The following ZNF609 variants were observed in gnomAD, a reference collection of about 807,000 sequenced individuals.
The protein encoded by ZNF609 is zinc finger protein 609.
Under a neutral mutation model 109.5 loss-of-function variants are expected in ZNF609, and 11 were observed. The observed-to-expected ratio is 0.10, with a 90% CI of 0.06 to 0.17. ZNF609 has a LOEUF of 0.17. Ranked by LOEUF, ZNF609 falls within the 10% of genes least tolerant of loss-of-function variation. The probability of loss-of-function intolerance (pLI) is 1.00; values close to 1 mark genes in which losing one functional copy is unlikely to be tolerated. For synonymous variants in ZNF609, 646 were observed against 662.0 expected (o/e 0.98, Z 0.37); for missense variants, 1,559 against 1,772.4 (o/e 0.88, Z 2.16).
chr15:64,654,824 C>T (rs996943812), intron 3 of ZNF609, among the ~76,000 whole-genome samples: 4 of 152,020 alleles, frequency 2.6e-5, no homozygotes, highest in Non-Finnish European at 5.9e-5. Flanking sequence ...GGGCCGGGCA[C>T]GGTGGCTCAC....
intron 2 of ZNF609, among the ~76,000 whole-genome samples, chr15:64,566,293 A>G (rs637748): frequency 0.74 from 113,063 of 152,198 alleles, 45,522 homozygotes; most frequent in East Asian, 0.96. Context: ...TCATGTGACT[A>G]CACTCCAGCT....
At chr15:64,626,083 C>T (rs181201824) in intron 3 of ZNF609, among the ~76,000 whole-genome samples, 6 of 151,928 alleles carry the variant, frequency 3.9e-5, no homozygotes, top group East Asian at 1.9e-4. Flanking sequence ...AGATCAGTCT[C>T]GTTGTCTAAA....
At chr15:64,587,516 T>G (rs1302571971) in intron 2 of ZNF609, among the ~76,000 whole-genome samples, 1 of 152,122 alleles carries the variant, frequency 6.6e-6, no homozygotes, top group East Asian at 1.9e-4. Context: ...AATTGTGGTG[T>G]ATTTGTGTAT....
rs916982040 is a variant in ZNF609, at chr15:64,685,256, GACA to G, written c.*3572_*3574del. On this transcript the variant is annotated 3_prime_UTR_variant, in exon 10 of 10. Transcript: ENST00000326648. ...GAAGAGAAAATAAATCTTTTTAAGA[GACA>G]ATCACAAATCTGTGAGGGCTGCTGG... is the stretch of plus-strand genomic sequence containing the variant. The G allele has an allele frequency of 6.6e-6, 1 of 152,226 alleles. No individual in the cohort carries two copies. The highest frequency in any genetic ancestry group is 2.4e-5 in the African/African-American group (1 of 41,276). 9.4% of individuals were successfully genotyped at this position (152,226 alleles called of 1,614,324 possible).
At chr15:64,468,229 C>T (rs562791771) in intron 1 of ZNF609, among the ~76,000 whole-genome samples, 110 of 147,974 alleles carry the variant, frequency 7.4e-4, no homozygotes, top group Non-Finnish European at 1.5e-3. Context: ...CCTCTCTTTC[C>T]TTCCTTCCTT....
chr15:64,594,312 C>T (rs1407955587), intron 2 of ZNF609, among the ~76,000 whole-genome samples: 2 of 151,608 alleles, frequency 1.3e-5, no homozygotes, highest in South Asian at 2.1e-4. Flanking sequence ...CCAGAAAAGG[C>T]GAAGACTTGG....
At chr15:64,665,430 G>A (rs967298969) in intron 3 of ZNF609, among the ~76,000 whole-genome samples, 4 of 152,012 alleles carry the variant, frequency 2.6e-5, no homozygotes, top group Non-Finnish European at 4.4e-5. Flanking sequence ...AGGATTTTTG[G>A]CACCCACTTA....
intron 2 of ZNF609, 82 bp from the exon 3 acceptor site, chr15:64,622,745 A>T: frequency 8.4e-7 from 1 of 1,197,414 alleles, no homozygotes; most frequent in Non-Finnish European, 1.2e-6. Flanking sequence ...GAATAGATAT[A>T]GGACTAGATT....
chr15:64,571,000 G>A (rs192267724), intron 2 of ZNF609, among the ~76,000 whole-genome samples: 9 of 152,198 alleles, frequency 5.9e-5, no homozygotes, highest in African/African-American at 2.2e-4. Context: ...CACTCCAGCC[G>A]GGGCAACAGA....
At chr15:64,611,750 G>A (rs1164397743) in intron 2 of ZNF609, among the ~76,000 whole-genome samples, 1 of 136,824 alleles carries the variant, frequency 7.3e-6, no homozygotes, top group Non-Finnish European at 1.6e-5. Context: ...TTTTTTTTTT[G>A]AGATGGAGTC....
intron 2 of ZNF609, among the ~76,000 whole-genome samples, chr15:64,591,039 G>A (rs184143943): frequency 2.4e-4 from 36 of 152,146 alleles, no homozygotes; most frequent in African/African-American, 8.4e-4. Flanking sequence ...AGTATGTATC[G>A]AAAAGCCTTA....
At chr15:64,459,913 G>A (rs751326616), upstream of ZNF609, among the ~76,000 whole-genome samples, 2 of 152,096 alleles carry the variant, frequency 1.3e-5, no homozygotes, top group Non-Finnish European at 2.9e-5. Flanking sequence ...ATGGTGGGTT[G>A]GAGAAGGACA....
chr15:64,645,984 A>G (rs1896328523), intron 3 of ZNF609, among the ~76,000 whole-genome samples: 1 of 152,224 alleles, frequency 6.6e-6, no homozygotes, highest in Non-Finnish European at 1.5e-5. Flanking sequence ...GTGGATCCTC[A>G]AAAAGCTAAA....
At chr15:64,542,141 A>T (rs1366069608) in intron 2 of ZNF609, among the ~76,000 whole-genome samples, 2 of 152,188 alleles carry the variant, frequency 1.3e-5, no homozygotes, top group Non-Finnish European at 2.9e-5. Context: ...ACACACAGAC[A>T]GAGTAGGTAT....
At chr15:64,601,196 A>G (rs1371617640) in intron 2 of ZNF609, among the ~76,000 whole-genome samples, 2 of 152,234 alleles carry the variant, frequency 1.3e-5, no homozygotes, top group Non-Finnish European at 2.9e-5. Context: ...CATGAAACCT[A>G]GAGCATAAAG....
chr15:64,477,623 CT>C (rs528565686), intron 1 of ZNF609, among the ~76,000 whole-genome samples: 68 of 142,660 alleles, frequency 4.8e-4, no homozygotes, highest in South Asian at 1.5e-3. Context: ...GTCTTATTTC[CT>C]TTTTTTTTTT....
chr15:64,579,649 G>A (rs1257682874), intron 2 of ZNF609, among the ~76,000 whole-genome samples: 2 of 151,794 alleles, frequency 1.3e-5, no homozygotes, highest in African/African-American at 4.8e-5. Flanking sequence ...GGCAGAGGTC[G>A]CAGTGAGCTG....
intron 2 of ZNF609, among the ~76,000 whole-genome samples, chr15:64,602,310 G>A (rs576354376): frequency 3.9e-5 from 6 of 152,140 alleles, no homozygotes; most frequent in Non-Finnish European, 5.9e-5. Context: ...GCACCAAATT[G>A]TCTGAGCCTG....
chr15:64,468,991 C>T (rs1473848409), intron 1 of ZNF609, among the ~76,000 whole-genome samples: 2 of 134,740 alleles, frequency 1.5e-5, no homozygotes, highest in Non-Finnish European at 3.1e-5. Flanking sequence ...TCACTTGAGC[C>T]CAGGAGTTGG....
Sources: allele counts gnomAD v4.1 joint callset (sites outside exome capture counted in the v4.1 genomes callset), GRCh38; gene constraint gnomAD v4.1.1; transcripts MANE v1.5; gene names NCBI Gene and HGNC (gene_info 2026-07-23, HGNC 2026-07-21).